RASGRP3: variants seen among roughly 807,000 people sequenced by gnomAD.
The protein encoded by RASGRP3 is ras guanyl-releasing protein 3.
A neutral mutation model predicts 82.7 loss-of-function variants in RASGRP3; 54 were observed. That is an observed-to-expected ratio of 0.65 (90% CI 0.52 to 0.82). The LOEUF is 0.82. RASGRP3 is among the 40% of genes least tolerant of loss of function. The pLI, the probability that RASGRP3 is intolerant of heterozygous loss-of-function variation, is 0.00. For synonymous variants in RASGRP3, 309 were observed against 300.5 expected (o/e 1.03, Z -0.29); for missense variants, 861 against 828.9 (o/e 1.04, Z -0.48).
At chr2:33,515,399 A>C (rs1574395063) in intron 3 of RASGRP3, among the ~76,000 whole-genome samples, 193 bp downstream of exon 3, 1 of 152,246 alleles carries the variant, frequency 6.6e-6, no homozygotes, top group East Asian at 1.9e-4. Context: ...CCCACAGCTC[A>C]TACCCCAGTC....
chr2:33,525,292 G>C (rs1054550433), intron 9 of RASGRP3, among the ~76,000 whole-genome samples: 1 of 151,776 alleles, frequency 6.6e-6, no homozygotes, highest in South Asian at 2.1e-4. Context: ...GAAAGGGGAA[G>C]ACATAGGCCT....
chr2:33,460,479 A>G (rs1195651509), intron 2 of RASGRP3, among the ~76,000 whole-genome samples: 3 of 151,986 alleles, frequency 2.0e-5, no homozygotes, highest in Non-Finnish European at 4.4e-5. Flanking sequence ...GTACTATTCA[A>G]CTTGCTACAG....
intron 2 of RASGRP3, among the ~76,000 whole-genome samples, chr2:33,513,028 T>G (rs1671085788): frequency 6.6e-6 from 1 of 152,148 alleles, no homozygotes; most frequent in Non-Finnish European, 1.5e-5. Flanking sequence ...TTTAAATAGG[T>G]CAGGAAAGGC....
intron 2 of RASGRP3, among the ~76,000 whole-genome samples, chr2:33,456,971 T>C (rs1326113540): frequency 6.6e-6 from 1 of 151,376 alleles, no homozygotes; most frequent in Non-Finnish European, 1.5e-5. Flanking sequence ...TGGCCTATCT[T>C]AGCTCACTGC....
chr2:33,516,186 G>A (rs1255569498), intron 3 of RASGRP3, among the ~76,000 whole-genome samples: 1 of 152,144 alleles, frequency 6.6e-6, no homozygotes, highest in Non-Finnish European at 1.5e-5. Flanking sequence ...GAGGTGGGCG[G>A]ATCATGAGGT....
At chr2:33,546,542 C>T (rs1007750287) in intron 13 of RASGRP3, among the ~76,000 whole-genome samples, 3 of 151,964 alleles carry the variant, frequency 2.0e-5, no homozygotes, top group African/African-American at 4.8e-5. Flanking sequence ...AGCAGTATGG[C>T]GATTCCTCAA....
chr2:33,513,171 T>C (rs1671102920), intron 2 of RASGRP3, among the ~76,000 whole-genome samples: 1 of 152,228 alleles, frequency 6.6e-6, no homozygotes, highest in Non-Finnish European at 1.5e-5. Context: ...CTGTTTTTAT[T>C]GAACACTTGA....
Position 33,521,943 on chromosome 2 carries a change from C to T in RASGRP3, c.369-12C>T, listed in dbSNP as rs779913481. 1.9e-6 allele frequency: 3 copies of T among 1,602,206 alleles called. No homozygotes were observed. In the Admixed American group the frequency reaches 5.3e-5, roughly 28 times the overall value. On this transcript the variant is annotated splice_polypyrimidine_tract_variant and intron_variant, in intron 6 of 17. Coordinates refer to ENST00000403687, the MANE Select transcript of RASGRP3 (RefSeq NM_001139488.2). ...TTTCAACACATTGACCGGACTCACTCTTCTTTTATAGTCCTTCCTATGACT... is the reference window on the plus strand; with the variant it reads ...TTTCAACACATTGACCGGACTCACTTTTCTTTTATAGTCCTTCCTATGACT...
chr2:33,562,344 C>T (rs1200870491), intron 17 of RASGRP3, among the ~76,000 whole-genome samples: 1 of 151,634 alleles, frequency 6.6e-6, no homozygotes, highest in Non-Finnish European at 1.5e-5. Flanking sequence ...CATAGCTCAC[C>T]ACAGCCTCGA....
At chr2:33,535,082 A>C (rs1673471872) in intron 11 of RASGRP3, among the ~76,000 whole-genome samples, 1 of 152,224 alleles carries the variant, frequency 6.6e-6, no homozygotes, top group African/African-American at 2.4e-5. Context: ...AAAAAGCTCC[A>C]TTCAACATAA....
chr2:33,439,896 G>C (rs1226178495), intron 1 of RASGRP3, among the ~76,000 whole-genome samples: 1 of 152,206 alleles, frequency 6.6e-6, no homozygotes. Flanking sequence ...CTTGCTGGGG[G>C]AGAGATCAGG....
At chr2:33,502,227 T>C (rs963012696) in intron 1 of RASGRP3, among the ~76,000 whole-genome samples, 2 of 151,996 alleles carry the variant, frequency 1.3e-5, no homozygotes, top group African/African-American at 4.8e-5. Flanking sequence ...GTAAGACGCA[T>C]GAACTCTAGA....
intron 8 of RASGRP3, 152 bp from the exon 9 acceptor site, chr2:33,524,280 A>G (rs1317317921): frequency 1.4e-6 from 1 of 714,626 alleles, no homozygotes; most frequent in African/African-American, 1.8e-5. Flanking sequence ...TAATAGATAT[A>G]TTTCTCTGAT....
At position 33,549,595 on chromosome 2, in the gene RASGRP3, T is replaced by C. The variant is rs1675175544; in HGVS notation, c.1395-9T>C. On this transcript the variant is annotated splice_polypyrimidine_tract_variant and intron_variant, in intron 13 of 17. Coordinates refer to ENST00000403687, the MANE Select transcript of RASGRP3 (RefSeq NM_001139488.2). Reference sequence around the variant, plus strand: ...AAAGATTCCCTCCCTTCTTTGATTCTCTTAACAGGGATGGCCTAATTAGTA... The same window carrying C: ...AAAGATTCCCTCCCTTCTTTGATTCCCTTAACAGGGATGGCCTAATTAGTA... 1 of 1,609,484 alleles carries C rather than the reference T, an allele frequency of 6.2e-7. No homozygotes were observed.
At chr2:33,551,376 C>G (rs77388722) in intron 14 of RASGRP3, among the ~76,000 whole-genome samples, 2 of 152,068 alleles carry the variant, frequency 1.3e-5, no homozygotes, top group Non-Finnish European at 2.9e-5. Context: ...TTTGGAAATA[C>G]CTAGACCTGA....
intron 2 of RASGRP3, among the ~76,000 whole-genome samples, chr2:33,452,170 A>G (rs994716639): frequency 3.9e-5 from 6 of 152,100 alleles, no homozygotes; most frequent in Non-Finnish European, 8.8e-5. Flanking sequence ...CTTATAGCTC[A>G]CTGAGCTCTG....
Position 33,523,909 on chromosome 2 carries a change from G to A in RASGRP3, c.547G>A (p.Gly183Ser). The change falls in exon 8 of 18, where the codon GGC (glycine) becomes AGC (serine). Residue 183 changes from glycine (G) to serine (S), a missense_variant. By Grantham distance (56) the Gly-to-Ser change is moderately conservative (BLOSUM62 0). Coordinates refer to ENST00000403687, the MANE Select transcript of RASGRP3 (RefSeq NM_001139488.2). Reference sequence around the variant, plus strand: ...TGATTACCAAAGCTATGTCATCCATGGCTGCCTGGAGAATAATCCAACCTT... The same window carrying A: ...TGATTACCAAAGCTATGTCATCCATAGCTGCCTGGAGAATAATCCAACCTT... The part of the protein sequence containing the change: ...FTDYQSYVIH[G>S]CLENNPTLER... 3 of 1,613,184 alleles carry A rather than the reference G, an allele frequency of 1.9e-6. No individual in the cohort carries two copies. Among genetic ancestry groups the A allele is most frequent in the Non-Finnish European group, 1.7e-6 (2 of 1,179,420 alleles).
At chr2:33,528,916 A>G (rs1672832396) in intron 10 of RASGRP3, among the ~76,000 whole-genome samples, 2 of 152,180 alleles carry the variant, frequency 1.3e-5, no homozygotes, top group South Asian at 4.1e-4. Context: ...ATCTGTTTCC[A>G]TGAATAAGTG....
intron 2 of RASGRP3, among the ~76,000 whole-genome samples, chr2:33,463,272 G>A (rs935336863): frequency 6.6e-6 from 1 of 152,158 alleles, no homozygotes; most frequent in Non-Finnish European, 1.5e-5. Flanking sequence ...TATAGAAGAT[G>A]ATTAGATGGA....
Sources: gnomAD v4.1 joint callset for allele counts (sites outside exome capture counted in the v4.1 genomes callset) on GRCh38, gnomAD v4.1.1 for gene constraint, MANE v1.5 for transcripts, NCBI Gene and HGNC (gene_info 2026-07-23, HGNC 2026-07-21) for gene names.